GRM3: variants seen among roughly 807,000 people sequenced by gnomAD.
GRM3 encodes glutamate metabotropic receptor 3, also known as metabotropic glutamate receptor 3.
Under a neutral mutation model 70.5 loss-of-function variants are expected in GRM3, and 26 were observed. That is an observed-to-expected ratio of 0.37 (90% CI 0.27 to 0.51). GRM3 has a LOEUF of 0.51. GRM3 is among the 20% of genes least tolerant of loss of function. The pLI, the probability that GRM3 is intolerant of heterozygous loss-of-function variation, is 0.93. For synonymous variants in GRM3, 443 were observed against 434.9 expected (o/e 1.02, Z -0.23); for missense variants, 859 against 1,123.8 (o/e 0.76, Z 3.37).
intron 5 of GRM3, among the ~76,000 whole-genome samples, chr7:86,851,256 T>G (rs1222537959): frequency 6.6e-6 from 1 of 152,198 alleles, no homozygotes; most frequent in Admixed American, 6.5e-5. Flanking sequence ...TTTTCTCAGC[T>G]TAGAAGGCAG....
intron 1 of GRM3, among the ~76,000 whole-genome samples, chr7:86,758,510 A>G (rs1796401681): frequency 6.6e-6 from 1 of 152,176 alleles, no homozygotes; most frequent in African/African-American, 2.4e-5. Context: ...TGAAATGGCA[A>G]CACACACATG....
chr7:86,789,039 T>C (rs1011475666), intron 3 of GRM3, among the ~76,000 whole-genome samples: 10 of 152,190 alleles, frequency 6.6e-5, no homozygotes, highest in African/African-American at 2.4e-4. Context: ...AGCCCATTAT[T>C]TGGATAAACA....
intron 1 of GRM3, among the ~76,000 whole-genome samples, chr7:86,711,002 A>T (rs1186540830): frequency 6.6e-6 from 1 of 151,972 alleles, no homozygotes; most frequent in Non-Finnish European, 1.5e-5. Context: ...ACCACTCTTC[A>T]TGTTGCTTCA....
intron 3 of GRM3, among the ~76,000 whole-genome samples, chr7:86,790,329 C>T (rs1053627657): frequency 4.6e-5 from 7 of 152,258 alleles, no homozygotes; most frequent in African/African-American, 1.7e-4. Context: ...CTCTTGTTGG[C>T]TCTACCTTCA....
At chr7:86,661,363 C>T (rs1793889594) in intron 1 of GRM3, among the ~76,000 whole-genome samples, 1 of 151,900 alleles carries the variant, frequency 6.6e-6, no homozygotes, top group African/African-American at 2.4e-5. Context: ...TTGGTACATC[C>T]ATCGATCCTT....
chr7:86,753,047 G>A (rs181097902), intron 1 of GRM3, among the ~76,000 whole-genome samples: 1 of 152,092 alleles, frequency 6.6e-6, no homozygotes, highest in African/African-American at 2.4e-5. Flanking sequence ...AGAATTTACT[G>A]GAGACCTTGG....
chr7:86,654,663 T>C (rs890821032), intron 1 of GRM3, among the ~76,000 whole-genome samples: 2 of 152,240 alleles, frequency 1.3e-5, no homozygotes, highest in African/African-American at 4.8e-5. Context: ...GATTCCTTCC[T>C]AAATGATATG....
intron 1 of GRM3, among the ~76,000 whole-genome samples, chr7:86,649,829 C>G (rs1005921155): frequency 4.6e-5 from 7 of 152,002 alleles, no homozygotes; most frequent in African/African-American, 1.7e-4. Flanking sequence ...TATTAAGTAC[C>G]TATTTTGACC....
intron 1 of GRM3, among the ~76,000 whole-genome samples, chr7:86,744,004 A>G (rs1796047359): frequency 6.6e-6 from 1 of 152,140 alleles, no homozygotes; most frequent in Admixed American, 6.6e-5. Context: ...AGGTATTATT[A>G]GCATCATCTT....
chr7:86,694,076 T>C (rs1240944326), intron 1 of GRM3, among the ~76,000 whole-genome samples: 1 of 152,222 alleles, frequency 6.6e-6, no homozygotes, highest in African/African-American at 2.4e-5. Flanking sequence ...TAACTCAGTA[T>C]GGACTGTGGA....
chr7:86,777,824 A>G (rs1796933880), intron 2 of GRM3, among the ~76,000 whole-genome samples: 1 of 152,200 alleles, frequency 6.6e-6, no homozygotes. Flanking sequence ...CCAGTTTAAA[A>G]TACAAGCCAA....
chr7:86,763,220 C>T lies in GRM3; in HGVS notation c.-140-1786C>T, dbSNP rs550107039. The stretch of plus-strand genomic sequence containing the variant: ...AGGAGGGCCCTTCCTTCATAAAACC[C>T]TTCCAACACACAATCATGTGTGAAG... On this transcript the variant is annotated intron_variant, in intron 1 of 5. Transcript: ENST00000361669. 1.3e-4 allele frequency among the ~76,000 whole-genome samples: 20 copies of T among 152,212 alleles called. No homozygotes were observed. In the South Asian group the frequency reaches 3.9e-3, roughly 30 times the overall value.
At chr7:86,725,368 A>T (rs1243403100) in intron 1 of GRM3, among the ~76,000 whole-genome samples, 1 of 152,116 alleles carries the variant, frequency 6.6e-6, no homozygotes, top group Admixed American at 6.6e-5. Context: ...TCTGAGAGCC[A>T]GGAATTTGGA....
intron 3 of GRM3, among the ~76,000 whole-genome samples, chr7:86,825,855 G>T (rs1490755385): frequency 1.3e-5 from 2 of 152,080 alleles, no homozygotes; most frequent in East Asian, 3.8e-4. Context: ...TAGTTTGCAC[G>T]GTTGGCTTCT....
At chr7:86,818,399 T>C (rs1255861134) in intron 3 of GRM3, among the ~76,000 whole-genome samples, 1 of 152,020 alleles carries the variant, frequency 6.6e-6, no homozygotes. Context: ...GAACACACCA[T>C]AGTTAAGAAC....
chr7:86,670,627 A>G (rs923375250), intron 1 of GRM3, among the ~76,000 whole-genome samples: 3 of 152,190 alleles, frequency 2.0e-5, no homozygotes, highest in Admixed American at 2.0e-4. Flanking sequence ...TTGTATTACT[A>G]GAGTCTGACT....
intron 3 of GRM3, among the ~76,000 whole-genome samples, chr7:86,826,383 C>G (rs115465670): frequency 0.051 from 7,696 of 152,168 alleles, 650 homozygotes; most frequent in African/African-American, 0.18. Context: ...TTCCTAAGAG[C>G]TGATTGAAGA....
At chr7:86,769,077 A>C (rs1180067279) in intron 2 of GRM3, among the ~76,000 whole-genome samples, 2 of 152,128 alleles carry the variant, frequency 1.3e-5, no homozygotes, top group African/African-American at 4.8e-5. Context: ...TACACTAACG[A>C]GGGAAACATT....
chr7:86,823,552 A>C (rs1226842131), intron 3 of GRM3, among the ~76,000 whole-genome samples: 2 of 145,810 alleles, frequency 1.4e-5, no homozygotes, highest in Non-Finnish European at 3.0e-5. Context: ...GCTAGAACTA[A>C]CAGAAATTCA....
Sources: allele counts gnomAD v4.1 joint callset (sites outside exome capture counted in the v4.1 genomes callset), GRCh38; gene constraint gnomAD v4.1.1; transcripts MANE v1.5; gene names NCBI Gene and HGNC (gene_info 2026-07-23, HGNC 2026-07-21).